The following CLASP2 variants were observed in gnomAD, a reference collection of about 807,000 sequenced individuals.
CLASP2 encodes the protein cytoplasmic linker associated protein 2, also known as CLIP-associating protein 2.
A neutral mutation model predicts 194.4 loss-of-function variants in CLASP2; 47 were observed. The ratio of observed to expected loss-of-function variants is 0.24; its 90% CI spans 0.19 to 0.31. The LOEUF is 0.31. Among genes scored for constraint, CLASP2 ranks in the 10% least tolerant of loss-of-function variants. CLASP2 has a pLI of 1.00. For missense variants in CLASP2, 1,445 were observed against 1,823.6 expected (o/e 0.79, Z 3.78); for synonymous variants, 619 against 633.5 (o/e 0.98, Z 0.34).
chr3:33,574,322 C>T, intron 24 of CLASP2: 2 of 544,194 alleles, frequency 3.7e-6, no homozygotes, highest in South Asian at 2.7e-5. Context: ...AGCAGTATCT[C>T]TCTCGATAAC....
intron 2 of CLASP2, among the ~76,000 whole-genome samples, chr3:33,693,782 T>C (rs966730881): frequency 1.3e-5 from 2 of 152,130 alleles, no homozygotes; most frequent in African/African-American, 4.8e-5. Context: ...TGAGCACTTA[T>C]GATTCAAAGT....
At chr3:33,520,422 A>G (rs1270632634) in intron 34 of CLASP2, among the ~76,000 whole-genome samples, 1 of 152,232 alleles carries the variant, frequency 6.6e-6, no homozygotes, top group Non-Finnish European at 1.5e-5. Context: ...AGATTCCCAA[A>G]CAAACTATAA....
intron 37 of CLASP2, 51 bp from the exon 38 acceptor site, chr3:33,501,819 C>G: frequency 1.7e-6 from 2 of 1,151,364 alleles, no homozygotes; most frequent in Non-Finnish European, 2.6e-6. Context: ...ACTGTTAGTA[C>G]TCCCTTTTTA....
At chr3:33,630,877 T>A (rs367648394) in intron 9 of CLASP2, among the ~76,000 whole-genome samples, 99 of 152,322 alleles carry the variant, frequency 6.5e-4, no homozygotes, top group African/African-American at 2.3e-3. Flanking sequence ...TGATTGTTCC[T>A]ACAACACTAA....
intron 25 of CLASP2, among the ~76,000 whole-genome samples, chr3:33,571,489 G>A (rs535205073): frequency 2.6e-5 from 4 of 151,874 alleles, no homozygotes; most frequent in East Asian, 2.0e-4. Flanking sequence ...AAGTAGCTGC[G>A]CTGGTCATGG....
intron 12 of CLASP2, among the ~76,000 whole-genome samples, chr3:33,617,592 T>C (rs1462010134): frequency 3.9e-5 from 6 of 152,082 alleles, no homozygotes; most frequent in Non-Finnish European, 7.4e-5. Flanking sequence ...TTTAAAATTC[T>C]GATATATAAC....
intron 9 of CLASP2, among the ~76,000 whole-genome samples, chr3:33,630,026 G>C (rs1024326435): frequency 6.6e-6 from 1 of 152,082 alleles, no homozygotes; most frequent in Non-Finnish European, 1.5e-5. Flanking sequence ...GGAGATCCTA[G>C]TCAGTAATGA....
At chr3:33,602,182 T>A (rs1037296689) in intron 18 of CLASP2, among the ~76,000 whole-genome samples, 2 of 151,968 alleles carry the variant, frequency 1.3e-5, no homozygotes, top group Admixed American at 6.5e-5. Flanking sequence ...CCCGGCTAAG[T>A]TTTGCATTTT....
At chr3:33,560,289 C>G (rs1576441121) in intron 28 of CLASP2, among the ~76,000 whole-genome samples, 2 of 151,410 alleles carry the variant, frequency 1.3e-5, no homozygotes, top group East Asian at 3.9e-4. Flanking sequence ...GTTGCCCACG[C>G]TGGAGTGCAG....
intron 2 of CLASP2, among the ~76,000 whole-genome samples, chr3:33,695,668 G>A (rs535265185): frequency 1.3e-5 from 2 of 152,114 alleles, no homozygotes; most frequent in Admixed American, 6.5e-5. Flanking sequence ...GGCCAGGCAT[G>A]GTGGTTCATG....
chr3:33,561,599 G>A (rs2061798127), intron 27 of CLASP2, among the ~76,000 whole-genome samples: 1 of 152,146 alleles, frequency 6.6e-6, no homozygotes, highest in East Asian at 1.9e-4. Context: ...AAAAGTCCTA[G>A]ATGGCATACT....
At chr3:33,627,540 C>T (rs1334977359) in intron 9 of CLASP2, among the ~76,000 whole-genome samples, 3 of 152,102 alleles carry the variant, frequency 2.0e-5, no homozygotes, top group Admixed American at 1.3e-4. Context: ...CTGGAGCCAA[C>T]CCTTTGTCAA....
chr3:33,667,426 A>AAAAAAAAAAAAAAAAAAAAAACAAAAAAC, intron 6 of CLASP2, among the ~76,000 whole-genome samples: 1 of 150,890 alleles, frequency 6.6e-6, no homozygotes, highest in African/African-American at 2.4e-5. Flanking sequence ...AAAAAAAAAA[A>AAAAAAAAAAAAAAAAAAAAAACAAAAAAC]AAGACATTTG....
intron 37 of CLASP2, chr3:33,502,077 T>G (rs2046977758): frequency 4.4e-6 from 1 of 228,870 alleles, no homozygotes; most frequent in Non-Finnish European, 8.6e-6. Context: ...CAGACTAACT[T>G]TCCTAAAGCA....
At chr3:33,664,528 T>G (rs187139651) in intron 6 of CLASP2, among the ~76,000 whole-genome samples, 3 of 152,290 alleles carry the variant, frequency 2.0e-5, no homozygotes, top group Non-Finnish European at 4.4e-5. Flanking sequence ...TTGAAATAAA[T>G]TATTGGCTTA....
At chr3:33,667,406 C>CA (rs537846651) in intron 6 of CLASP2, among the ~76,000 whole-genome samples, 562 of 43,626 alleles carry the variant, frequency 0.013, 23 homozygotes, top group Middle Eastern at 0.087. Flanking sequence ...GAGACTATCT[C>CA]AAAAAAAAAA....
At chr3:33,557,555 G>A (rs1298539311) in intron 29 of CLASP2, among the ~76,000 whole-genome samples, 1 of 152,036 alleles carries the variant, frequency 6.6e-6, no homozygotes, top group African/African-American at 2.4e-5. Flanking sequence ...ATACATTTCA[G>A]TAGCACTTGA....
intron 9 of CLASP2, 37 bp from the exon 10 acceptor site, chr3:33,627,117 T>G (rs1029162830): frequency 2.6e-5 from 32 of 1,229,356 alleles, no homozygotes; most frequent in African/African-American, 7.5e-5. Context: ...CAATGTTTCT[T>G]GCCATGAACA....
chr3:33,664,040 A>T (rs2085755444), intron 6 of CLASP2, among the ~76,000 whole-genome samples: 1 of 152,186 alleles, frequency 6.6e-6, no homozygotes, highest in Admixed American at 6.6e-5. Context: ...CTAATTTTAT[A>T]TTCAGGATAA....
Sources: allele counts gnomAD v4.1 joint callset (sites outside exome capture counted in the v4.1 genomes callset), GRCh38; gene constraint gnomAD v4.1.1; transcripts MANE v1.5; gene names NCBI Gene and HGNC (gene_info 2026-07-23, HGNC 2026-07-21).